ARHGEF33: variants seen among roughly 807,000 people sequenced by gnomAD.
ARHGEF33 encodes the protein Rho guanine nucleotide exchange factor 33.
Under a neutral mutation model 101.9 loss-of-function variants are expected in ARHGEF33, and 72 were observed. The ratio of observed to expected loss-of-function variants is 0.71; its 90% CI spans 0.58 to 0.86. The LOEUF is 0.86. ARHGEF33 is among the 40% of genes least tolerant of loss of function. The pLI is 0.00. For synonymous variants in ARHGEF33, 499 were observed against 442.5 expected (o/e 1.13, Z -1.60); for missense variants, 1,169 against 1,111.3 (o/e 1.05, Z -0.74).
chr2:38,958,298 C>T, intron 15 of ARHGEF33, 100 bp downstream of exon 15: 3 of 1,423,286 alleles, frequency 2.1e-6, no homozygotes, highest in Admixed American at 4.3e-5. Flanking sequence ...CATCCCCTTT[C>T]CCCATCAGGC....
At chr2:38,955,132 A>G (rs1667707150) in intron 13 of ARHGEF33, among the ~76,000 whole-genome samples, 1 of 152,108 alleles carries the variant, frequency 6.6e-6, no homozygotes, top group Non-Finnish European at 1.5e-5. Flanking sequence ...CTAAATATCC[A>G]TCTAACCTGT....
chr2:38,935,884 T>C (rs1667116332), intron 8 of ARHGEF33, 50 bp downstream of exon 8: 1 of 1,416,694 alleles, frequency 7.1e-7, no homozygotes, highest in South Asian at 1.2e-5. Flanking sequence ...TTCCATTATT[T>C]TCCACTTCTA....
At position 38,919,458 on chromosome 2, in the gene ARHGEF33, C is replaced by A. The variant is rs750138898; in HGVS notation, c.11C>A (p.Thr4Asn). The change falls in exon 3 of 18, where the codon ACC becomes AAC. Residue 4 changes from threonine (T) to asparagine (N), a missense_variant. Thr to Asn is a moderately conservative substitution (Grantham distance 65). Transcript: ENST00000409978. The part of the protein sequence containing the change: MEK[T>N]KTKQGENEHM... ...GAAGTAACCGGCACTATGGAAAAAA[C>A]CAAAACAAAGCAAGGTCAGATTTTT... 2.4e-5 allele frequency: 37 copies of A among 1,551,724 alleles called. No homozygotes were observed. The highest frequency in any genetic ancestry group is 1.5e-4 in the African/African-American group (11 of 73,032).
chr2:38,959,615 C>T (rs1361267448), intron 15 of ARHGEF33: 1 of 484,700 alleles, frequency 2.1e-6, no homozygotes, highest in Non-Finnish European at 3.6e-6. Context: ...AGGCCATTTC[C>T]CAGAAGCTCA....
chr2:38,915,082 C>A (rs1031539711), intron 2 of ARHGEF33, among the ~76,000 whole-genome samples: 1 of 151,988 alleles, frequency 6.6e-6, no homozygotes, highest in Admixed American at 6.6e-5. Flanking sequence ...GAACTCCTGG[C>A]CTCAAGCAAT....
At chr2:38,954,232 G>A (rs1432122588) in intron 12 of ARHGEF33, 141 bp from the exon 13 acceptor site, 27 of 623,322 alleles carry the variant, frequency 4.3e-5, no homozygotes, top group Non-Finnish European at 7.2e-5. Context: ...CCTCTCCTAT[G>A]AGACAGCAAT....
At chr2:38,967,827 G>T (rs2124431464) in intron 17 of ARHGEF33, among the ~76,000 whole-genome samples, 1 of 145,238 alleles carries the variant, frequency 6.9e-6, no homozygotes, top group South Asian at 2.2e-4. Context: ...TGATCCATCT[G>T]CCTCGGCCTC....
chr2:38,942,457 G>T lies in ARHGEF33; in HGVS notation c.791-1444G>T, dbSNP rs1667338131. ...TTACAGGCGTGAGCCACCACGCCCA[G>T]CCCCTCTTATCTTTTTTTTTTTTTT... is the stretch of plus-strand genomic sequence containing the variant. On this transcript the variant is annotated intron_variant, in intron 9 of 17. Coordinates refer to ENST00000409978, the MANE Select transcript of ARHGEF33 (RefSeq NM_001145451.5). Among the ~76,000 whole-genome samples the T allele has an allele frequency of 3.2e-5, 4 of 125,206 alleles. No homozygotes were observed. The South Asian group carries it at 1.1e-3, about 34-fold the overall frequency. 82.1% of individuals were successfully genotyped at this position (125,206 alleles called of 152,430 possible).
At chr2:38,919,813 TA>T (rs1183677440) in intron 3 of ARHGEF33, among the ~76,000 whole-genome samples, 4 of 152,166 alleles carry the variant, frequency 2.6e-5, no homozygotes, top group Non-Finnish European at 5.9e-5. Context: ...CTTTACCATA[TA>T]AAAACAACTA....
At chr2:38,916,663 G>A (rs1037776566) in intron 2 of ARHGEF33, among the ~76,000 whole-genome samples, 10 of 152,116 alleles carry the variant, frequency 6.6e-5, no homozygotes, top group Middle Eastern at 3.2e-3. Flanking sequence ...TTATAACCAT[G>A]TAGCTATTTC....
In ARHGEF33 at chr2:38,901,030, G is replaced by A. The variant is rs535288665; in HGVS notation, c.-86+5181G>A. 3.3e-5 allele frequency among the ~76,000 whole-genome samples: 5 copies of A among 152,184 alleles called. No individual in the cohort carries two copies. In the East Asian group the frequency reaches 7.7e-4, roughly 24 times the overall value. On this transcript the variant is annotated intron_variant, in intron 2 of 17. Transcript: ENST00000409978. The stretch of plus-strand genomic sequence containing the variant: ...ACTCAGCCTTCTTTGAAGGCTGAAG[G>A]CTTTTTAGTGACCATGTGTTGCTAC...
chr2:38,929,076 G>C lies in ARHGEF33; in HGVS notation c.240+5G>C, dbSNP rs1219943878. On this transcript the variant is annotated splice_donor_5th_base_variant and intron_variant, in intron 5 of 17. Transcript: ENST00000409978. The stretch of plus-strand genomic sequence containing the variant: ...AATTCATTAAACTATTTCAAGGTAG[G>C]CCTCTCTTTAATTTCCCTGCTGACA... The C allele has an allele frequency of 5.8e-6, 9 of 1,543,152 alleles. No homozygotes were observed. The highest frequency in any genetic ancestry group is 7.9e-6 in the Non-Finnish European group (9 of 1,143,722).
At chr2:38,947,846 C>T (rs914051597) in intron 10 of ARHGEF33, among the ~76,000 whole-genome samples, 41 of 152,230 alleles carry the variant, frequency 2.7e-4, no homozygotes, top group African/African-American at 9.6e-4. Flanking sequence ...AGGTGGCACA[C>T]GTTTAATGAT....
intron 1 of ARHGEF33, among the ~76,000 whole-genome samples, chr2:38,895,153 A>T (rs1015400884): frequency 5.9e-5 from 9 of 152,160 alleles, no homozygotes; most frequent in African/African-American, 2.2e-4. Context: ...TGAGGCAAGT[A>T]TTACTATTAC....
Position 38,929,683 on chromosome 2 carries a change from A to G in ARHGEF33, c.241-26A>G, listed in dbSNP as rs143502172. 3 of 1,548,096 alleles carry G rather than the reference A, an allele frequency of 1.9e-6. No individual in the cohort carries two copies. The African/African-American group carries it at 4.1e-5, about 21-fold the overall frequency. ...ATACTTTTACCCCATGTACCACGTT[A>G]AAACATAGCAATTCTTATTTTTTAG... On this transcript the variant is annotated intron_variant, in intron 5 of 17. Transcript: ENST00000409978.
chr2:38,904,721 AAGG>A (rs1344328300), intron 2 of ARHGEF33, among the ~76,000 whole-genome samples: 2 of 151,136 alleles, frequency 1.3e-5, no homozygotes, highest in Non-Finnish European at 3.0e-5. Flanking sequence ...AAAAAAAAAA[AAGG>A]AAAAGAAGAA....
At position 38,943,921 on chromosome 2, in the gene ARHGEF33, C is replaced by G. The variant is rs1303633244; in HGVS notation, c.811C>G (p.Leu271Val). Residue 271 changes from leucine to valine, a missense_variant, in exon 10 of 18, where the codon CTG becomes GTG. Transcript: ENST00000409978. ...SLAAKRQTVA[L>V]ELLESERKYV... The stretch of plus-strand genomic sequence containing the variant: ...TAAAGCTAAAAGACAGACTGTGGCC[C>G]TGGAACTGCTTGAATCTGAAAGAAA... 6.4e-7 allele frequency: 1 copy of G among 1,551,850 alleles called. No homozygotes were observed. The highest frequency in any genetic ancestry group is 2.0e-5 in the Admixed American group (1 of 50,964).
intron 1 of ARHGEF33, among the ~76,000 whole-genome samples, chr2:38,891,987 A>G (rs1666015190): frequency 6.6e-6 from 1 of 152,214 alleles, no homozygotes; most frequent in Non-Finnish European, 1.5e-5. Flanking sequence ...GTTCATGATT[A>G]TTTTGTTGTC....
chr2:38,968,301 A>G (rs1180371995), intron 17 of ARHGEF33, among the ~76,000 whole-genome samples: 1 of 152,180 alleles, frequency 6.6e-6, no homozygotes, highest in Non-Finnish European at 1.5e-5. Context: ...TGGTGCCTGC[A>G]TGGAGTGGGA....
Sources: allele counts gnomAD v4.1 joint callset (sites outside exome capture counted in the v4.1 genomes callset), GRCh38; gene constraint gnomAD v4.1.1; transcripts MANE v1.5; gene names NCBI Gene and HGNC (gene_info 2026-07-23, HGNC 2026-07-21).